The following SORCS2 variants were observed in gnomAD, a reference collection of about 807,000 sequenced individuals.
SORCS2 encodes sortilin related VPS10 domain containing receptor 2.
SORCS2 carries 100 observed loss-of-function variants against 141.6 expected under a neutral mutation model. The observed-to-expected ratio is 0.71, with a 90% CI of 0.60 to 0.83. SORCS2 has a LOEUF of 0.83. Ranked by LOEUF, SORCS2 falls within the 40% of genes least tolerant of loss-of-function variation. SORCS2 has a pLI of 0.00. For missense variants in SORCS2, 1,646 were observed against 1,560.2 expected (o/e 1.05, Z -0.93); for synonymous variants, 789 against 676.9 (o/e 1.17, Z -2.57).
At chr4:7,708,393 C>T (rs1725610504) in intron 14 of SORCS2, among the ~76,000 whole-genome samples, 1 of 152,212 alleles carries the variant, frequency 6.6e-6, no homozygotes, top group Non-Finnish European at 1.5e-5. Context: ...TGGGTGGGAG[C>T]GTTATTCCCA....
intron 3 of SORCS2, among the ~76,000 whole-genome samples, chr4:7,555,525 G>A (rs1714042710): frequency 1.3e-5 from 2 of 152,232 alleles, no homozygotes; most frequent in South Asian, 4.1e-4. Context: ...CCACAACTGG[G>A]GAGAAGCCCT....
chr4:7,473,841 C>T (rs893333894), intron 2 of SORCS2, among the ~76,000 whole-genome samples: 2 of 152,154 alleles, frequency 1.3e-5, no homozygotes, highest in Non-Finnish European at 1.5e-5. Flanking sequence ...AGGCCTGGCT[C>T]TGGCGGGGTC....
rs532835683 is a variant in SORCS2, at chr4:7,455,514, G to C, written c.548+59159G>C. ...CGTGTTGGGGTCAGGCTCCGTGTTG[G>C]GGTCAGCCTCCGTGTTAGTGTCATG... On this transcript the variant is annotated intron_variant, in intron 2 of 26. Transcript: ENST00000507866. 3.4e-5 allele frequency among the ~76,000 whole-genome samples: 5 copies of C among 148,998 alleles called. No individual in the cohort carries two copies. The South Asian group carries it at 1.1e-3, about 32-fold the overall frequency.
rs553126239 is a variant in SORCS2, at chr4:7,461,271, C to T, written c.548+64916C>T. 5.3e-5 allele frequency among the ~76,000 whole-genome samples: 8 copies of T among 152,380 alleles called. No homozygotes were observed. In the East Asian group the frequency reaches 1.4e-3, roughly 26 times the overall value. Reference sequence around the variant, plus strand: ...CTTCCATCTCTGAACGTGAAAGATGCTGTGGGGGCGTCTGCAGCCCCTGGA... The same window carrying T: ...CTTCCATCTCTGAACGTGAAAGATGTTGTGGGGGCGTCTGCAGCCCCTGGA... On this transcript the variant is annotated intron_variant, in intron 2 of 26. Transcript: ENST00000507866.
intron 9 of SORCS2, among the ~76,000 whole-genome samples, chr4:7,676,833 C>T (rs1723172662): frequency 7.2e-6 from 1 of 138,528 alleles, no homozygotes; most frequent in African/African-American, 2.7e-5. Flanking sequence ...CTCTCTCCCT[C>T]TCTCCACCCC....
chr4:7,358,213 T>G (rs1479949430), intron 1 of SORCS2, among the ~76,000 whole-genome samples: 1 of 152,128 alleles, frequency 6.6e-6, no homozygotes, highest in African/African-American at 2.4e-5. Context: ...GGCCAGCTGG[T>G]TTCACCTGGT....
rs536256458 is a variant in SORCS2, at chr4:7,201,994, C to T, written c.480+8868C>T. Among the ~76,000 whole-genome samples the T allele has an allele frequency of 6.6e-6, 1 of 151,376 alleles. No homozygotes were observed. Among genetic ancestry groups the T allele is most frequent in the East Asian group, 2.0e-4 (1 of 5,102 alleles). ...CATCCTGCTTTTTCTTGGAAAGCGCCGTCCTGGATGTGAGCTTGGATTCTG... is the reference window on the plus strand; with the variant it reads ...CATCCTGCTTTTTCTTGGAAAGCGCTGTCCTGGATGTGAGCTTGGATTCTG... On this transcript the variant is annotated intron_variant, in intron 1 of 26. Coordinates refer to ENST00000507866, the MANE Select transcript of SORCS2 (RefSeq NM_020777.3). The surrounding 1 kb of genome is among the most constrained non-coding windows in gnomAD (Gnocchi z 4.4).
In SORCS2 at chr4:7,664,202, C is replaced by T. The variant is rs1054320652; in HGVS notation, c.953-151C>T. 4.9e-6 allele frequency: 3 copies of T among 608,326 alleles called. No individual in the cohort carries two copies. Among genetic ancestry groups the T allele is most frequent in the Admixed American group, 2.9e-5 (1 of 34,338 alleles). The allele number at this position is 608,326 out of a possible 1,614,324, so 37.7% of individuals were successfully genotyped here. Reference sequence around the variant, plus strand: ...CAGTGAGCGAGGATGACACCCTCAGCCGCAGGTGTCATCACGGTGGCCTTT... The same window carrying T: ...CAGTGAGCGAGGATGACACCCTCAGTCGCAGGTGTCATCACGGTGGCCTTT... On this transcript the variant is annotated intron_variant, in intron 6 of 26. Transcript: ENST00000507866. This position sits in a 1 kb window ranked among gnomAD's most constrained non-coding sequence, Gnocchi z 4.7.
chr4:7,260,864 A>G (rs1353335014), intron 1 of SORCS2, among the ~76,000 whole-genome samples: 3 of 151,914 alleles, frequency 2.0e-5, no homozygotes, highest in African/African-American at 7.3e-5. Context: ...TGTTCTTACA[A>G]CCTCCCCCGA....
intron 2 of SORCS2, among the ~76,000 whole-genome samples, chr4:7,464,874 G>A (rs1003811110): frequency 3.9e-5 from 6 of 152,238 alleles, no homozygotes; most frequent in African/African-American, 1.4e-4. Context: ...AGAGGTGGGT[G>A]ATGCTGCCTT....
At position 7,729,630 on chromosome 4, in the gene SORCS2, C is replaced by T. The variant is rs769184143; in HGVS notation, c.3026C>T (p.Pro1009Leu). 4.5e-5 allele frequency: 72 copies of T among 1,596,156 alleles called. No individual in the cohort carries two copies. In the Middle Eastern group the frequency reaches 6.6e-4, roughly 15 times the overall value. ...GAGCTTCTGGTGACTGTGGTGAAGC[C>T]GGGGCTGCCCACTTTGGCCGATCTG... ...PQELLVTVVK[P>L]GLPTLADLYV... Residue 1009 changes from proline (P) to leucine (L), a missense_variant, in exon 23 of 27, where the codon CCG becomes CTG. Transcript: ENST00000507866.
At chr4:7,331,616 A>G (rs905676788) in intron 1 of SORCS2, among the ~76,000 whole-genome samples, 2 of 152,088 alleles carry the variant, frequency 1.3e-5, no homozygotes, top group African/African-American at 4.8e-5. Flanking sequence ...AAGATCCTCT[A>G]CAGCAGCAGG....
chr4:7,557,690 C>T (rs868251856), intron 3 of SORCS2, among the ~76,000 whole-genome samples: 9 of 152,318 alleles, frequency 5.9e-5, no homozygotes, highest in Middle Eastern at 6.8e-3. Flanking sequence ...ATTTGAAGCA[C>T]GTTGCTTTGC....
At chr4:7,535,362 G>A (rs1712031713) in intron 3 of SORCS2, among the ~76,000 whole-genome samples, 1 of 152,222 alleles carries the variant, frequency 6.6e-6, no homozygotes, top group African/African-American at 2.4e-5. Context: ...GGGGCACCGG[G>A]GAGCGGCAGG....
intron 3 of SORCS2, among the ~76,000 whole-genome samples, chr4:7,539,988 A>C (rs1317112607): frequency 7.7e-6 from 1 of 130,268 alleles, no homozygotes; most frequent in Non-Finnish European, 1.6e-5. Flanking sequence ...CCTGTTGCAA[A>C]GGCCCCACTC....
chr4:7,357,438 C>T (rs921444534), intron 1 of SORCS2, among the ~76,000 whole-genome samples: 2 of 152,170 alleles, frequency 1.3e-5, no homozygotes, highest in Non-Finnish European at 2.9e-5. Flanking sequence ...CTACAGGTTC[C>T]CATGTTGGCA....
chr4:7,452,788 G>T (rs564394789), intron 2 of SORCS2, among the ~76,000 whole-genome samples: 2 of 152,242 alleles, frequency 1.3e-5, no homozygotes, highest in Non-Finnish European at 2.9e-5. Context: ...GAGCTTGGAC[G>T]TGTTAGTGTC....
chr4:7,576,810 G>C, intron 3 of SORCS2, among the ~76,000 whole-genome samples: 1 of 152,220 alleles, frequency 6.6e-6, no homozygotes, highest in South Asian at 2.1e-4. Flanking sequence ...GACAGGTGCT[G>C]TAAGAACTGG....
intron 4 of SORCS2, among the ~76,000 whole-genome samples, chr4:7,639,523 G>T (rs958285011): frequency 6.5e-5 from 7 of 108,250 alleles, no homozygotes; most frequent in Admixed American, 1.2e-4. Flanking sequence ...TGGGTTTGTG[G>T]GATGTGGGGG....
Sources: allele counts gnomAD v4.1 joint callset (sites outside exome capture counted in the v4.1 genomes callset), GRCh38; gene constraint gnomAD v4.1.1; non-coding constraint Gnocchi (gnomAD v3.1); transcripts MANE v1.5; gene names NCBI Gene and HGNC (gene_info 2026-07-23, HGNC 2026-07-21).